Variants in PRKG2 observed in about 807,000 individuals in gnomAD.
PRKG2 encodes protein kinase cGMP-dependent 2.
Under a neutral mutation model 97.2 loss-of-function variants are expected in PRKG2, and 33 were observed. That is an observed-to-expected ratio of 0.34 (90% confidence interval 0.26 to 0.45). PRKG2 has a LOEUF of 0.45. Ranked by LOEUF, PRKG2 falls within the 20% of genes least tolerant of loss-of-function variation. The probability of loss-of-function intolerance (pLI) is 1.00; values close to 1 mark genes in which losing one functional copy is unlikely to be tolerated. For synonymous variants in PRKG2, 330 were observed against 321.8 expected, an observed-to-expected ratio of 1.03 and a Z score of -0.27; for missense variants, 638 against 900.0, an observed-to-expected ratio of 0.71 and a Z score of 3.73.
At chr4:81,155,915 A>G (rs993144720) in intron 6 of PRKG2, among the ~76,000 whole-genome samples, 2 of 152,180 alleles carry the variant, frequency 1.3e-5, no homozygotes, top group Non-Finnish European at 2.9e-5. Flanking sequence ...GCCCTAAAAG[A>G]GCTCCTGAAG....
upstream of PRKG2, among the ~76,000 whole-genome samples, chr4:81,217,031 G>GTATATATATATATATATATATATATGTA (rs35897460): frequency 1.7e-5 from 2 of 115,296 alleles, no homozygotes; most frequent in African/African-American, 7.5e-5. Context: ...TATATATTTT[G>GTATATATATATATATATATATATATGTA]TATATATATA....
intron 2 of PRKG2, among the ~76,000 whole-genome samples, chr4:81,200,513 C>G (rs1246881626): frequency 1.3e-5 from 2 of 152,206 alleles, no homozygotes. Flanking sequence ...TGTAATAAGG[C>G]AGACTGGTGC....
chr4:81,200,905 T>C (rs1753266169), intron 2 of PRKG2, among the ~76,000 whole-genome samples: 1 of 152,206 alleles, frequency 6.6e-6, no homozygotes, highest in African/African-American at 2.4e-5. Flanking sequence ...ATGGTTTTGA[T>C]GATCTAAAAT....
At chr4:81,205,422 A>G (rs559584664) in intron 1 of PRKG2, among the ~76,000 whole-genome samples, 19 of 152,340 alleles carry the variant, frequency 1.2e-4, no homozygotes, top group African/African-American at 4.3e-4. Flanking sequence ...CAGCATGGCA[A>G]AGATAAAATG....
intron 2 of PRKG2, among the ~76,000 whole-genome samples, chr4:81,178,093 A>G (rs1208633707): frequency 1.5e-5 from 2 of 133,060 alleles, no homozygotes; most frequent in Non-Finnish European, 3.3e-5. Flanking sequence ...GGTCCTGGTA[A>G]CCACCCAGGA....
At chr4:81,151,642 G>T (rs554830525) in intron 8 of PRKG2, among the ~76,000 whole-genome samples, 1 of 152,032 alleles carries the variant, frequency 6.6e-6, no homozygotes, top group East Asian at 1.9e-4. Flanking sequence ...TATTTCAAAT[G>T]TTGGGAATAT....
Position 81,140,802 on chromosome 4 carries a change from C to T in PRKG2, c.1408-133G>A, listed in dbSNP as rs1483577048. 4.5e-6 allele frequency: 3 copies of T among 660,520 alleles called. No individual in the cohort carries two copies. In the South Asian group the frequency reaches 8.9e-5, roughly 20 times the overall value. 40.9% of individuals were successfully genotyped at this position (660,520 alleles called of 1,614,324 possible). ...AGCCACTTATCCCTTTGAGAACTTT[C>T]ATTCAAGTGTACACACTTCCCTTTC... On this transcript the variant is annotated intron_variant, in intron 11 of 18. Transcript: ENST00000264399.
chr4:81,211,973 G>A lies in PRKG2; in HGVS notation c.-14+2963C>T, dbSNP rs1196161515. Reference sequence around the variant, plus strand: ...ACTGATACATTTGATGTTACCATTAGCTTGTCTCTCTAAAGTTCCTTTAGA... The same window carrying A: ...ACTGATACATTTGATGTTACCATTAACTTGTCTCTCTAAAGTTCCTTTAGA... On this transcript the variant is annotated intron_variant, in intron 1 of 18. Transcript: ENST00000264399. 8.2e-5 allele frequency among the ~76,000 whole-genome samples: 12 copies of A among 145,600 alleles called. No homozygotes were observed. In the Admixed American group the frequency reaches 8.3e-4, roughly 10 times the overall value.
intron 9 of PRKG2, among the ~76,000 whole-genome samples, chr4:81,148,381 A>G (rs1342642536): frequency 6.6e-6 from 1 of 152,186 alleles, no homozygotes; most frequent in Non-Finnish European, 1.5e-5. Flanking sequence ...TTTGAAGAAT[A>G]ACCTAAGACA....
intron 12 of PRKG2, 125 bp downstream of exon 12, chr4:81,140,408 C>T (rs1393056992): frequency 1.3e-5 from 10 of 774,992 alleles, no homozygotes; most frequent in Non-Finnish European, 1.8e-5. Flanking sequence ...TTTCATGTAC[C>T]CCATAAATAT....
At chr4:81,202,040 T>C (rs1753347457) in intron 2 of PRKG2, among the ~76,000 whole-genome samples, 1 of 152,176 alleles carries the variant, frequency 6.6e-6, no homozygotes, top group Non-Finnish European at 1.5e-5. Flanking sequence ...CTGATGATCT[T>C]AAAATCTCTG....
chr4:81,147,746 T>G (rs1373159008), intron 9 of PRKG2, among the ~76,000 whole-genome samples: 2 of 152,148 alleles, frequency 1.3e-5, no homozygotes, highest in East Asian at 3.9e-4. Context: ...GGACTCATTT[T>G]GTATCTGTAG....
At chr4:81,139,584 G>A (rs1372102635) in intron 12 of PRKG2, among the ~76,000 whole-genome samples, 4 of 151,172 alleles carry the variant, frequency 2.6e-5, no homozygotes, top group Middle Eastern at 3.4e-3. Context: ...TGGCTAACAC[G>A]GTGAAACCCC....
chr4:81,204,472 C>T (rs928172642), intron 2 of PRKG2, 115 bp downstream of exon 2: 2 of 1,226,406 alleles, frequency 1.6e-6, no homozygotes, highest in African/African-American at 3.0e-5. Flanking sequence ...CCCCTCTACC[C>T]CAAAATCTGA....
chr4:81,116,351 C>A (rs1294915535), intron 14 of PRKG2, among the ~76,000 whole-genome samples: 1 of 152,050 alleles, frequency 6.6e-6, no homozygotes, highest in African/African-American at 2.4e-5. Context: ...CATGTTGCTG[C>A]GAAGTACATG....
At chr4:81,114,357 T>C (rs1160622070) in intron 14 of PRKG2, among the ~76,000 whole-genome samples, 1 of 152,082 alleles carries the variant, frequency 6.6e-6, no homozygotes, top group African/African-American at 2.4e-5. Context: ...GAGATAATCA[T>C]TAACGTCAGT....
At chr4:81,103,215 T>C (rs1742980317) in intron 17 of PRKG2, among the ~76,000 whole-genome samples, 1 of 152,190 alleles carries the variant, frequency 6.6e-6, no homozygotes, top group Admixed American at 6.5e-5. Flanking sequence ...AACGTGCAGG[T>C]GTGTTACGTA....
intron 14 of PRKG2, among the ~76,000 whole-genome samples, chr4:81,113,258 C>T (rs1744162018): frequency 6.6e-6 from 1 of 151,994 alleles, no homozygotes; most frequent in Admixed American, 6.6e-5. Context: ...AGGGGTATGG[C>T]ATGGCCTGAC....
chr4:81,134,794 A>G (rs1746512083), intron 14 of PRKG2, among the ~76,000 whole-genome samples: 1 of 152,138 alleles, frequency 6.6e-6, no homozygotes, highest in Admixed American at 6.6e-5. Context: ...CTTGGGGTAG[A>G]AATCATATTA....
Sources: allele counts gnomAD v4.1 joint callset (sites outside exome capture counted in the v4.1 genomes callset), GRCh38; gene constraint gnomAD v4.1.1; transcripts MANE v1.5; gene names NCBI Gene and HGNC (gene_info 2026-07-23, HGNC 2026-07-21).